The following ADGRL3 variants were observed in gnomAD, a reference collection of about 807,000 sequenced individuals.
ADGRL3 encodes the protein calcium-independent alpha-latrotoxin receptor 3.
Under a neutral mutation model 153.5 loss-of-function variants are expected in ADGRL3, and 62 were observed. That is an observed-to-expected ratio of 0.40 (90% CI 0.33 to 0.50). ADGRL3 has a LOEUF of 0.50. Among genes scored for constraint, ADGRL3 ranks in the 20% least tolerant of loss-of-function variants. The pLI, the probability that ADGRL3 is intolerant of heterozygous loss-of-function variation, is 0.47. For synonymous variants in ADGRL3, 710 were observed against 672.5 expected, an observed-to-expected ratio of 1.06 and a Z score of -0.86; for missense variants, 1,641 against 1,859.4, an observed-to-expected ratio of 0.88 and a Z score of 2.16.
intron 2 of ADGRL3, among the ~76,000 whole-genome samples, chr4:61,409,396 A>T (rs1249730390): frequency 1.2e-5 from 1 of 82,464 alleles, no homozygotes; most frequent in Admixed American, 1.7e-4. Context: ...TATATATTAG[A>T]CATACATAAT....
chr4:61,595,181 C>T (rs541552525), intron 5 of ADGRL3, among the ~76,000 whole-genome samples: 1 of 152,268 alleles, frequency 6.6e-6, no homozygotes, highest in African/African-American at 2.4e-5. Flanking sequence ...GAGCTGATAG[C>T]TGGGGTGCAA....
At chr4:61,412,190 C>G (rs1406350093) in intron 2 of ADGRL3, among the ~76,000 whole-genome samples, 1 of 152,086 alleles carries the variant, frequency 6.6e-6, no homozygotes, top group Non-Finnish European at 1.5e-5. Context: ...AAGTCTTCCT[C>G]CCATCTCAGC....
intron 3 of ADGRL3, among the ~76,000 whole-genome samples, chr4:61,503,961 G>T (rs1358942865): frequency 6.6e-6 from 1 of 151,940 alleles, no homozygotes; most frequent in Non-Finnish European, 1.5e-5. Flanking sequence ...GTTGAATCAT[G>T]CACCATTTGT....
At chr4:61,767,473 C>A (rs1033122551) in intron 8 of ADGRL3, among the ~76,000 whole-genome samples, 2 of 151,988 alleles carry the variant, frequency 1.3e-5, no homozygotes, top group African/African-American at 4.8e-5. Flanking sequence ...AAGAAGGGGA[C>A]GGGCTTACCT....
rs1560565678 is a variant in ADGRL3 at position 61,392,708 on chromosome 4, A to AAAAAAAAAT, written c.-174+9523_-174+9524insAAAATAAAA. On this transcript the variant is annotated intron_variant, in intron 2 of 26. Transcript: ENST00000683033. ...TCAAAAAAAAAAAAAAAAAAAAAAGAAAAAGGAAAATAAAGAAAGAGAGAA... is the reference window on the plus strand; with the variant it reads ...TCAAAAAAAAAAAAAAAAAAAAAAGAAAAAAAAATAAAAGGAAAATAAAGAAAGAGAGAA... 3.2e-5 allele frequency among the ~76,000 whole-genome samples: 3 copies of AAAAAAAAAT among 92,738 alleles called. 1 individual carries two copies. Among genetic ancestry groups the AAAAAAAAAT allele is most frequent in the Non-Finnish European group, 4.7e-5 (2 of 42,132 alleles). The allele number at this position is 92,738 out of a possible 152,430, so 60.8% of individuals were successfully genotyped here. A position where few individuals can be genotyped will look rare whatever the true frequency, so the allele number is the denominator to read the frequency against.
At chr4:61,590,374 A>G (rs868435353) in intron 5 of ADGRL3, among the ~76,000 whole-genome samples, 9 of 151,958 alleles carry the variant, frequency 5.9e-5, no homozygotes, top group Non-Finnish European at 7.4e-5. Context: ...TATTTTAGAG[A>G]GTTTTTTAAA....
chr4:61,557,581 GC>G (rs1189507140), intron 4 of ADGRL3, among the ~76,000 whole-genome samples: 1 of 152,104 alleles, frequency 6.6e-6, no homozygotes, highest in Non-Finnish European at 1.5e-5. Flanking sequence ...CCTTACAGTG[GC>G]ATTTATAAGT....
intron 1 of ADGRL3, among the ~76,000 whole-genome samples, chr4:61,353,586 A>G (rs1365280817): frequency 1.4e-5 from 2 of 143,432 alleles, no homozygotes; most frequent in East Asian, 4.2e-4. Flanking sequence ...ACACCTGGCT[A>G]ATTTTTTCTT....
intron 10 of ADGRL3, 94 bp downstream of exon 10, chr4:61,893,052 TCCCTC>T: frequency 1.6e-6 from 1 of 620,362 alleles, no homozygotes; most frequent in East Asian, 3.5e-5. Flanking sequence ...CTTTCCTCCC[TCCCTC>T]CCTTCCTCCC....
chr4:61,586,486 A>G (rs114324999), intron 4 of ADGRL3, among the ~76,000 whole-genome samples: 1 of 152,198 alleles, frequency 6.6e-6, no homozygotes, highest in African/African-American at 2.4e-5. Flanking sequence ...AATAATACAA[A>G]ATATCAAACA....
At chr4:61,770,043 A>G (rs566069590) in intron 8 of ADGRL3, among the ~76,000 whole-genome samples, 6 of 152,352 alleles carry the variant, frequency 3.9e-5, no homozygotes, top group African/African-American at 1.2e-4. Context: ...ACCTAAATAT[A>G]CATAGCCATA....
intron 1 of ADGRL3, among the ~76,000 whole-genome samples, chr4:61,326,127 G>A (rs908276861): frequency 6.6e-6 from 1 of 152,118 alleles, no homozygotes; most frequent in Non-Finnish European, 1.5e-5. Flanking sequence ...ATTCCCTTGA[G>A]TGAGATGTTC....
intron 2 of ADGRL3, among the ~76,000 whole-genome samples, chr4:61,384,135 A>T (rs147943952): frequency 6.6e-6 from 1 of 151,962 alleles, no homozygotes; most frequent in Non-Finnish European, 1.5e-5. Flanking sequence ...ACTTAAAACT[A>T]TAAAAATATT....
chr4:61,978,084 G>T (rs1261078449), intron 17 of ADGRL3, among the ~76,000 whole-genome samples: 4 of 152,112 alleles, frequency 2.6e-5, no homozygotes, highest in Admixed American at 2.0e-4. Flanking sequence ...TTAAAATTGG[G>T]CTTAGTGTGG....
At chr4:61,242,423 C>T (rs529587858) in intron 1 of ADGRL3, among the ~76,000 whole-genome samples, 1 of 152,108 alleles carries the variant, frequency 6.6e-6, no homozygotes, top group African/African-American at 2.4e-5. Flanking sequence ...ACAAGGAAGC[C>T]TGTTAGCTGT....
intron 9 of ADGRL3, among the ~76,000 whole-genome samples, chr4:61,843,870 C>T (rs2098071992): frequency 6.6e-6 from 1 of 151,780 alleles, no homozygotes; most frequent in South Asian, 2.1e-4. Flanking sequence ...AAAAATTAGC[C>T]AGGCATAGTG....
chr4:61,422,126 A>C (rs776129343), intron 2 of ADGRL3, among the ~76,000 whole-genome samples: 2 of 152,228 alleles, frequency 1.3e-5, no homozygotes, highest in Non-Finnish European at 2.9e-5. Context: ...ACTGCTTTGC[A>C]TTTTCGTGTC....
At chr4:61,761,272 A>G (rs2152195170) in intron 8 of ADGRL3, among the ~76,000 whole-genome samples, 1 of 152,316 alleles carries the variant, frequency 6.6e-6, no homozygotes, top group South Asian at 2.1e-4. Flanking sequence ...GCAAGAAGGA[A>G]GTTTGTTTTG....
intron 1 of ADGRL3, among the ~76,000 whole-genome samples, chr4:61,338,439 T>G (rs534533737): frequency 6.6e-6 from 1 of 151,680 alleles, no homozygotes; most frequent in East Asian, 1.9e-4. Flanking sequence ...GAGAAGAGAT[T>G]GATTTGATTT....
Sources: gnomAD v4.1 joint callset for allele counts (sites outside exome capture counted in the v4.1 genomes callset) on GRCh38, gnomAD v4.1.1 for gene constraint, MANE v1.5 for transcripts, NCBI Gene and HGNC (gene_info 2026-07-23, HGNC 2026-07-21) for gene names.